RASGRF2: variants seen among roughly 807,000 people sequenced by gnomAD.
RASGRF2 encodes Ras protein specific guanine nucleotide releasing factor 2, also known as ras-specific guanine nucleotide-releasing factor 2.
Under a neutral mutation model 151.0 loss-of-function variants are expected in RASGRF2, and 76 were observed. The ratio of observed to expected loss-of-function variants is 0.50; its 90% CI spans 0.42 to 0.61. RASGRF2 has a LOEUF of 0.61. Among genes scored for constraint, RASGRF2 ranks in the 20% least tolerant of loss-of-function variants. RASGRF2 has a pLI of 0.00. For missense variants in RASGRF2, 1,148 were observed against 1,564.6 expected (o/e 0.73, Z 4.49); for synonymous variants, 504 against 566.5 (o/e 0.89, Z 1.57).
At chr5:81,140,026 T>C (rs573877022) in intron 17 of RASGRF2, among the ~76,000 whole-genome samples, 3 of 152,126 alleles carry the variant, frequency 2.0e-5, no homozygotes, top group African/African-American at 7.2e-5. Context: ...ATGAGGTCTC[T>C]CCACGTTGCC....
At chr5:81,112,897 T>C in intron 14 of RASGRF2, 39 bp downstream of exon 14, 1 of 1,612,404 alleles carries the variant, frequency 6.2e-7, no homozygotes, top group East Asian at 2.2e-5. Flanking sequence ...CATTCGCATA[T>C]GGCCCTCTTC....
chr5:81,063,746 G>A (rs1162575806), intron 2 of RASGRF2, among the ~76,000 whole-genome samples: 2 of 151,800 alleles, frequency 1.3e-5, no homozygotes, highest in Non-Finnish European at 2.9e-5. Flanking sequence ...CCATGTCTGG[G>A]TTATTGGTTA....
chr5:81,031,052 A>G (rs2112361253), intron 1 of RASGRF2, among the ~76,000 whole-genome samples: 1 of 152,348 alleles, frequency 6.6e-6, no homozygotes, highest in African/African-American at 2.4e-5. Context: ...AGAGACAAAG[A>G]AGGCCATTAC....
chr5:81,092,672 C>T (rs1430018959), intron 9 of RASGRF2, 129 bp from the exon 10 acceptor site: 3 of 815,340 alleles, frequency 3.7e-6, no homozygotes, highest in Admixed American at 4.8e-5. Flanking sequence ...GTTACTTGTT[C>T]TGATGATGTG....
intron 18 of RASGRF2, among the ~76,000 whole-genome samples, chr5:81,193,201 A>G (rs1755188028): frequency 6.6e-6 from 1 of 152,224 alleles, no homozygotes; most frequent in African/African-American, 2.4e-5. Flanking sequence ...CATGTATAGT[A>G]AATTACTAAT....
intron 1 of RASGRF2, among the ~76,000 whole-genome samples, chr5:80,984,235 G>A (rs1748405321): frequency 6.6e-6 from 1 of 152,168 alleles, no homozygotes; most frequent in African/African-American, 2.4e-5. Flanking sequence ...TGTATTTTTA[G>A]TAGAGATGGG....
In RASGRF2 at chr5:81,208,429, C is replaced by T. The variant is rs1328390321; in HGVS notation, c.3147C>T (p.His1049=). 4 of 1,598,806 alleles carry T rather than the reference C, an allele frequency of 2.5e-6. No homozygotes were observed. The highest frequency in any genetic ancestry group is 3.4e-6 in the Non-Finnish European group (4 of 1,170,328). The change falls in exon 22 of 27, where the codon CAC becomes CAT. Residue 1049 remains histidine (H), a synonymous_variant. Coordinates refer to ENST00000265080, the MANE Select transcript of RASGRF2 (RefSeq NM_006909.3). ...RTPYIMKTSQ[H]FNDMSNLVAS... ...CTTACATTATGAAAACCAGCCAACA[C>T]TTCAATGACGTGAGTAACCGTAACA... is the stretch of plus-strand genomic sequence containing the variant.
chr5:81,060,810 G>A (rs750812940), intron 2 of RASGRF2, among the ~76,000 whole-genome samples: 2 of 152,148 alleles, frequency 1.3e-5, no homozygotes, highest in Non-Finnish European at 2.9e-5. Flanking sequence ...ATATTGGAAA[G>A]TATGGAAAAG....
chr5:81,112,638 A>C lies in RASGRF2; in HGVS notation c.1867A>C (p.Thr623Pro), dbSNP rs747537064. The C allele has an allele frequency of 2.5e-6, 4 of 1,614,058 alleles. No individual in the cohort carries two copies. Among genetic ancestry groups the C allele is most frequent in the African/African-American group, 1.3e-5 (1 of 74,916 alleles). The change falls in exon 14 of 27, where the codon ACT (threonine) becomes CCT (proline). Residue 623 changes from threonine to proline, a missense_variant. This residue lies in a region of RASGRF2 where 646 missense variants were observed against 807.4 expected (regional missense o/e 0.80). Transcript: ENST00000265080. ...TGATGCCCGTCTTCATAAAGACGAC[A>C]CTGACATTTGCTTCAGTAAAACACT... Reference protein sequence around the residue: ...KSDARLHKDDTDICFSKTLNS... With the variant: ...KSDARLHKDDPDICFSKTLNS...
intron 10 of RASGRF2, among the ~76,000 whole-genome samples, chr5:81,093,888 G>A (rs566420215): frequency 6.6e-6 from 1 of 152,132 alleles, no homozygotes; most frequent in Admixed American, 6.5e-5. Flanking sequence ...GAAAAAGTTT[G>A]CCTAGATAGG....
At chr5:81,047,221 AAG>A (rs1208342693) in intron 2 of RASGRF2, among the ~76,000 whole-genome samples, 1 of 152,184 alleles carries the variant, frequency 6.6e-6, no homozygotes, top group Non-Finnish European at 1.5e-5. Context: ...CTGGGAAAGG[AAG>A]GAAACTGTGA....
intron 1 of RASGRF2, among the ~76,000 whole-genome samples, chr5:80,965,663 T>C (rs1224233209): frequency 1.3e-5 from 2 of 152,186 alleles, no homozygotes; most frequent in African/African-American, 4.8e-5. Context: ...AAAATACTTG[T>C]AGTGTTATAA....
intron 2 of RASGRF2, among the ~76,000 whole-genome samples, chr5:81,053,246 G>C (rs1452849058): frequency 6.6e-6 from 1 of 150,602 alleles, no homozygotes. Flanking sequence ...ATTTACATTA[G>C]GTATATCTCC....
Position 80,993,827 on chromosome 5 carries a change from CCT to C in RASGRF2, c.288+32805_288+32806del, listed in dbSNP as rs1748733061. On this transcript the variant is annotated intron_variant, in intron 1 of 26. Coordinates refer to ENST00000265080, the MANE Select transcript of RASGRF2 (RefSeq NM_006909.3). ...GGCTACCTCAGTTTCACCCCTTTCC[CCT>C]CTCATCTCTTGATGGTGGCCGCTGT... 2.0e-5 allele frequency among the ~76,000 whole-genome samples: 3 copies of C among 152,098 alleles called. No individual in the cohort carries two copies. The South Asian group carries it at 6.2e-4, about 32-fold the overall frequency.
chr5:81,107,196 CAAAAAAAA>C (rs35987554), intron 12 of RASGRF2, among the ~76,000 whole-genome samples: 1 of 94,322 alleles, frequency 1.1e-5, no homozygotes, highest in Admixed American at 1.2e-4. Flanking sequence ...CCTGTCTCTA[CAAAAAAAA>C]AAAAAAAAAA....
chr5:81,037,945 AT>A (rs1262231578), intron 1 of RASGRF2, among the ~76,000 whole-genome samples: 1 of 152,206 alleles, frequency 6.6e-6, no homozygotes, highest in Non-Finnish European at 1.5e-5. Context: ...AAATAGCTTG[AT>A]ATGCATAGTT....
intron 26 of RASGRF2, among the ~76,000 whole-genome samples, chr5:81,220,971 G>T (rs1400813031): frequency 1.3e-5 from 2 of 152,142 alleles, no homozygotes; most frequent in African/African-American, 4.8e-5. Context: ...TAGAGGTCAG[G>T]TATTTTGCAG....
At chr5:81,045,528 A>G (rs1401491310) in intron 2 of RASGRF2, among the ~76,000 whole-genome samples, 1 of 152,226 alleles carries the variant, frequency 6.6e-6, no homozygotes, top group African/African-American at 2.4e-5. Context: ...CAGACTTTAG[A>G]AACCACTTAA....
intron 1 of RASGRF2, among the ~76,000 whole-genome samples, chr5:80,999,497 C>T (rs1031381482): frequency 6.6e-6 from 1 of 152,072 alleles, no homozygotes; most frequent in Non-Finnish European, 1.5e-5. Context: ...TGCGTGCCAC[C>T]ATGCCTGGAA....
Sources: gnomAD v4.1 joint callset for allele counts (sites outside exome capture counted in the v4.1 genomes callset) on GRCh38, gnomAD v4.1.1 for gene constraint, gnomAD v4.1.1 regional missense constraint, MANE v1.5 for transcripts, NCBI Gene and HGNC (gene_info 2026-07-23, HGNC 2026-07-21) for gene names.